The following CCDC149 variants were observed in gnomAD, a reference collection of about 807,000 sequenced individuals.
The protein encoded by CCDC149 is coiled-coil domain containing 149.
CCDC149 carries 45 observed loss-of-function variants against 59.9 expected under a neutral mutation model. The ratio of observed to expected loss-of-function variants is 0.75; its 90% CI spans 0.59 to 0.96. The LOEUF is 0.96. Among genes scored for constraint, CCDC149 ranks in the 40% least tolerant of loss-of-function variants. The pLI, the probability that CCDC149 is intolerant of heterozygous loss-of-function variation, is 0.00. For missense variants in CCDC149, 584 were observed against 664.7 expected, an observed-to-expected ratio of 0.88 and a Z score of 1.33; for synonymous variants, 245 against 260.6, an observed-to-expected ratio of 0.94 and a Z score of 0.58.
At chr4:24,924,160 AT>A (rs1425126678) in intron 1 of CCDC149, among the ~76,000 whole-genome samples, 2 of 152,192 alleles carry the variant, frequency 1.3e-5, no homozygotes, top group Admixed American at 1.3e-4. Context: ...CTGGGTAGCC[AT>A]TTGCCAAGAA....
chr4:24,948,210 T>G (rs1723177848), intron 1 of CCDC149, among the ~76,000 whole-genome samples: 2 of 152,130 alleles, frequency 1.3e-5, no homozygotes, highest in Non-Finnish European at 2.9e-5. Flanking sequence ...GAGAGAAAGT[T>G]CAAAGGATGT....
intron 1 of CCDC149, among the ~76,000 whole-genome samples, chr4:24,959,225 C>T (rs1413991476): frequency 6.6e-6 from 1 of 152,158 alleles, no homozygotes; most frequent in African/African-American, 2.4e-5. Flanking sequence ...CCATCCGCCT[C>T]AGCCTCCCAA....
At chr4:24,907,594 C>G (rs981099382) in intron 1 of CCDC149, among the ~76,000 whole-genome samples, 1 of 152,140 alleles carries the variant, frequency 6.6e-6, no homozygotes, top group Non-Finnish European at 1.5e-5. Flanking sequence ...GGATGGGAGG[C>G]TTAGACTAAA....
chr4:24,961,295 G>T (rs1723629150), intron 1 of CCDC149, among the ~76,000 whole-genome samples: 1 of 152,024 alleles, frequency 6.6e-6, no homozygotes, highest in African/African-American at 2.4e-5. Flanking sequence ...ACCACAAATG[G>T]ACACTGACAA....
chr4:24,932,456 G>A (rs1344756544), intron 1 of CCDC149, among the ~76,000 whole-genome samples: 1 of 152,104 alleles, frequency 6.6e-6, no homozygotes, highest in Non-Finnish European at 1.5e-5. Context: ...GAGAAGTTAA[G>A]GTAAGACACT....
chr4:24,936,065 G>C (rs1722771782), intron 1 of CCDC149, among the ~76,000 whole-genome samples: 1 of 152,166 alleles, frequency 6.6e-6, no homozygotes, highest in Admixed American at 6.5e-5. Context: ...AGTCAACTCA[G>C]ATGAGAAGTG....
At chr4:24,979,232 G>A (rs986425015) in intron 1 of CCDC149, among the ~76,000 whole-genome samples, 50 of 152,286 alleles carry the variant, frequency 3.3e-4, no homozygotes, top group African/African-American at 1.1e-3. Flanking sequence ...AGTATTGAGG[G>A]TCAATCTTGG....
intron 1 of CCDC149, among the ~76,000 whole-genome samples, chr4:24,926,728 G>A (rs888113279): frequency 4.6e-5 from 7 of 152,184 alleles, no homozygotes; most frequent in Non-Finnish European, 7.3e-5. Flanking sequence ...GCTTGTCTCT[G>A]CCCTGTTTAG....
intron 4 of CCDC149, among the ~76,000 whole-genome samples, chr4:24,848,983 T>C (rs1378412080): frequency 6.6e-6 from 1 of 152,184 alleles, no homozygotes; most frequent in Non-Finnish European, 1.5e-5. Flanking sequence ...TCTTGGGAAG[T>C]ATCCCCCAGA....
At chr4:24,819,323 CTCTT>C (rs1470008542) in intron 12 of CCDC149, among the ~76,000 whole-genome samples, 3 of 152,148 alleles carry the variant, frequency 2.0e-5, no homozygotes, top group African/African-American at 4.8e-5. Flanking sequence ...AGGGTCCTCA[CTCTT>C]TATTTATTTT....
chr4:24,917,652 G>A (rs773947331), upstream of CCDC149, among the ~76,000 whole-genome samples: 1 of 152,156 alleles, frequency 6.6e-6, no homozygotes, highest in Non-Finnish European at 1.5e-5. Flanking sequence ...GCGGAAAACC[G>A]TGGGCGTCGG....
intron 4 of CCDC149, among the ~76,000 whole-genome samples, chr4:24,849,448 C>A (rs576807950): frequency 1.1e-4 from 16 of 152,128 alleles, no homozygotes; most frequent in African/African-American, 3.9e-4. Context: ...GAAATTCCTG[C>A]GCACTGGACA....
At chr4:24,891,024 G>A (rs1720494667) in intron 1 of CCDC149, among the ~76,000 whole-genome samples, 1 of 152,222 alleles carries the variant, frequency 6.6e-6, no homozygotes, top group Non-Finnish European at 1.5e-5. Context: ...GCCGAGCCCT[G>A]TGGCTGGGAG....
chr4:24,906,187 C>T (rs4697496), intron 1 of CCDC149, among the ~76,000 whole-genome samples: 120,878 of 151,834 alleles, frequency 0.8, 48,668 homozygotes, highest in Non-Finnish European at 0.86. Flanking sequence ...AGACTTTACC[C>T]TAACAAATAC....
chr4:24,967,454 C>T (rs1723833637), intron 1 of CCDC149, among the ~76,000 whole-genome samples: 1 of 152,076 alleles, frequency 6.6e-6, no homozygotes, highest in Non-Finnish European at 1.5e-5. Flanking sequence ...TGCAGCTGTA[C>T]CATCAATCAT....
At chr4:24,939,796 C>G (rs1038116321) in intron 1 of CCDC149, among the ~76,000 whole-genome samples, 1 of 151,592 alleles carries the variant, frequency 6.6e-6, no homozygotes, top group South Asian at 2.1e-4. Flanking sequence ...AGGGTATCAG[C>G]GATGGAAGAT....
intron 3 of CCDC149, among the ~76,000 whole-genome samples, chr4:24,863,794 T>C (rs1245743794): frequency 6.6e-6 from 1 of 152,244 alleles, no homozygotes; most frequent in Non-Finnish European, 1.5e-5. Flanking sequence ...CTTCCTTTCC[T>C]TCTTTGTTCT....
intron 1 of CCDC149, among the ~76,000 whole-genome samples, chr4:24,962,407 T>C (rs958145848): frequency 6.6e-6 from 1 of 152,190 alleles, no homozygotes; most frequent in Non-Finnish European, 1.5e-5. Flanking sequence ...GTGTGGCGAT[T>C]CCTCAGGGAT....
intron 1 of CCDC149, among the ~76,000 whole-genome samples, chr4:24,926,766 G>A (rs1198700136): frequency 6.6e-6 from 1 of 152,170 alleles, no homozygotes. Flanking sequence ...CTTGAAGGTT[G>A]GGAGTGATTC....
Sources: allele counts gnomAD v4.1 joint callset (sites outside exome capture counted in the v4.1 genomes callset), GRCh38; gene constraint gnomAD v4.1.1; transcripts MANE v1.5; gene names NCBI Gene and HGNC (gene_info 2026-07-23, HGNC 2026-07-21).